The following TCF4 variants were observed in gnomAD, a reference collection of about 807,000 sequenced individuals.
TCF4 encodes transcription factor 4.
TCF4 carries 3 observed loss-of-function variants against 82.1 expected under a neutral mutation model. That is an observed-to-expected ratio of 0.04 (90% CI 0.02 to 0.09). The LOEUF (loss-of-function observed/expected upper bound fraction) is 0.09, where lower values mean the gene tolerates loss of function less well. TCF4 is among the 10% of genes least tolerant of loss of function. The pLI is 1.00. For missense variants in TCF4, 518 were observed against 852.7 expected (o/e 0.61, Z 4.89); for synonymous variants, 276 against 309.6 (o/e 0.89, Z 1.14).
chr18:55,475,996 G>A (rs929562881), intron 3 of TCF4, among the ~76,000 whole-genome samples: 1 of 152,182 alleles, frequency 6.6e-6, no homozygotes, highest in Non-Finnish European at 1.5e-5. Context: ...TAAAGAATCA[G>A]TTTTGGAGCC....
intron 5 of TCF4, among the ~76,000 whole-genome samples, chr18:55,439,936 T>A (rs1377113329): frequency 1.3e-5 from 2 of 152,094 alleles, no homozygotes; most frequent in Non-Finnish European, 2.9e-5. Flanking sequence ...GTTGGCCAGG[T>A]TGGTCTCGAA....
At chr18:55,572,313 G>C (rs2097481035) in intron 3 of TCF4, among the ~76,000 whole-genome samples, 1 of 152,170 alleles carries the variant, frequency 6.6e-6, no homozygotes. Context: ...CTTCAACAGA[G>C]AATAATAGTG....
At chr18:55,322,242 T>G in intron 8 of TCF4, 1 of 1,037,394 alleles carries the variant, frequency 9.6e-7, no homozygotes, top group Non-Finnish European at 1.2e-6. Flanking sequence ...TGACTCCCCC[T>G]CTCTCTCTCT....
At chr18:55,292,282 C>T (rs2065270301) in intron 8 of TCF4, among the ~76,000 whole-genome samples, 1 of 152,104 alleles carries the variant, frequency 6.6e-6, no homozygotes, top group African/African-American at 2.4e-5. Context: ...AAGAATGACC[C>T]TTTCATATTT....
At chr18:55,286,305 CT>C (rs796742040) in intron 8 of TCF4, among the ~76,000 whole-genome samples, 3,872 of 141,442 alleles carry the variant, frequency 0.027, 152 homozygotes, top group African/African-American at 0.091. Flanking sequence ...CTTTTTCTAC[CT>C]TTTTTTTTTT....
intron 3 of TCF4, among the ~76,000 whole-genome samples, chr18:55,563,174 G>C (rs2097370088): frequency 6.6e-6 from 1 of 150,738 alleles, no homozygotes; most frequent in African/African-American, 2.4e-5. Flanking sequence ...AGGAGATTGA[G>C]GCCTCAGTGA....
chr18:55,361,997 A>C (rs1375380883), intron 6 of TCF4, among the ~76,000 whole-genome samples: 1 of 152,150 alleles, frequency 6.6e-6, no homozygotes, highest in Non-Finnish European at 1.5e-5. Flanking sequence ...TCTTTCTTAC[A>C]TCTTCTGGAC....
chr18:55,484,802 C>T (rs1448052746), intron 3 of TCF4, among the ~76,000 whole-genome samples: 1 of 152,204 alleles, frequency 6.6e-6, no homozygotes, highest in Non-Finnish European at 1.5e-5. Context: ...TACAATGACA[C>T]TGTTAGTTCT....
chr18:55,524,042 T>C (rs1204998139), intron 3 of TCF4, among the ~76,000 whole-genome samples: 2 of 152,122 alleles, frequency 1.3e-5, no homozygotes, highest in African/African-American at 4.8e-5. Flanking sequence ...AACATGCAGA[T>C]TTAATAATTT....
intron 3 of TCF4, among the ~76,000 whole-genome samples, chr18:55,567,397 A>G (rs1461228285): frequency 6.6e-6 from 1 of 152,236 alleles, no homozygotes; most frequent in Non-Finnish European, 1.5e-5. Flanking sequence ...AATTATTTCA[A>G]TCTACTTTTC....
At chr18:55,421,397 T>C (rs906668052) in intron 5 of TCF4, among the ~76,000 whole-genome samples, 1 of 152,252 alleles carries the variant, frequency 6.6e-6, no homozygotes, top group Non-Finnish European at 1.5e-5. Context: ...TGATTCTTTC[T>C]GTTTTACTGA....
At chr18:55,437,293 G>A (rs2095349507) in intron 5 of TCF4, among the ~76,000 whole-genome samples, 1 of 152,184 alleles carries the variant, frequency 6.6e-6, no homozygotes, top group African/African-American at 2.4e-5. Context: ...CTACAGCAAT[G>A]AAGGTTTCAT....
At chr18:55,367,635 C>A (rs1051650496) in intron 6 of TCF4, among the ~76,000 whole-genome samples, 1 of 152,158 alleles carries the variant, frequency 6.6e-6, no homozygotes, top group African/African-American at 2.4e-5. Flanking sequence ...GACAAATCAA[C>A]GTCCTCCTCA....
At chr18:55,524,343 C>T (rs2146560798) in intron 3 of TCF4, among the ~76,000 whole-genome samples, 1 of 152,016 alleles carries the variant, frequency 6.6e-6, no homozygotes, top group Non-Finnish European at 1.5e-5. Flanking sequence ...TGCTTTCATA[C>T]ACATTATCTA....
intron 10 of TCF4, among the ~76,000 whole-genome samples, chr18:55,273,914 T>C (rs1443731929): frequency 6.6e-6 from 1 of 152,166 alleles, no homozygotes; most frequent in Non-Finnish European, 1.5e-5. Flanking sequence ...TGCAGTGAAC[T>C]GGACTAGGAT....
In TCF4 at chr18:55,527,691, G is replaced by T. The variant is rs1479590971; in HGVS notation, c.145+57589C>A. 5.9e-5 allele frequency among the ~76,000 whole-genome samples: 9 copies of T among 152,090 alleles called. 1 individual carries two copies. Among genetic ancestry groups the T allele is most frequent in the Admixed American group, 5.9e-4 (9 of 15,264 alleles). On this transcript the variant is annotated intron_variant, in intron 3 of 19. Transcript: ENST00000354452. ...CAGGCTGAATGAATGAGATATCAAA[G>T]TTATTGAAAAAGAGAGTTCTTTTTA...
At chr18:55,281,723 T>C (rs2062647695) in intron 8 of TCF4, among the ~76,000 whole-genome samples, 2 of 151,302 alleles carry the variant, frequency 1.3e-5, no homozygotes, top group East Asian at 1.9e-4. Flanking sequence ...TTTTTTTTTT[T>C]CCAATTTGGA....
intron 9 of TCF4, among the ~76,000 whole-genome samples, chr18:55,276,566 T>C (rs1261008133): frequency 1.3e-5 from 2 of 152,210 alleles, no homozygotes; most frequent in East Asian, 1.9e-4. Flanking sequence ...TCTGGGCCTA[T>C]TGGCCTACAG....
At position 55,509,347 on chromosome 18, in the gene TCF4, A is replaced by G. The variant is rs142110055; in HGVS notation, c.146-45210T>C. 4.3e-3 allele frequency among the ~76,000 whole-genome samples: 660 copies of G among 152,250 alleles called. 3 individuals are homozygous for G. The highest frequency in any genetic ancestry group is 0.015 in the African/African-American group (607 of 41,546). The stretch of plus-strand genomic sequence containing the variant: ...CTCACACAGACAGACACACACACAC[A>G]CACACACAAACACTCAAACACCACC... On this transcript the variant is annotated intron_variant, in intron 3 of 19. Transcript: ENST00000354452.
Sources: allele counts gnomAD v4.1 joint callset (sites outside exome capture counted in the v4.1 genomes callset), GRCh38; gene constraint gnomAD v4.1.1; transcripts MANE v1.5; gene names NCBI Gene and HGNC (gene_info 2026-07-23, HGNC 2026-07-21).